Variants in KAZN observed in about 807,000 individuals in gnomAD.
KAZN encodes kazrin.
A neutral mutation model predicts 87.4 loss-of-function variants in KAZN; 40 were observed. The ratio of observed to expected loss-of-function variants is 0.46; its 90% CI spans 0.36 to 0.60. KAZN has a LOEUF of 0.60. Ranked by LOEUF, KAZN falls within the 20% of genes least tolerant of loss-of-function variation. The probability of loss-of-function intolerance (pLI) is 0.00; values close to 1 mark genes in which losing one functional copy is unlikely to be tolerated. For missense variants in KAZN, 898 were observed against 1,073.9 expected (o/e 0.84, Z 2.29); for synonymous variants, 466 against 458.3 (o/e 1.02, Z -0.22).
intron 1 of KAZN, among the ~76,000 whole-genome samples, chr1:13,931,168 G>A (rs546330719): frequency 7.2e-5 from 11 of 152,192 alleles, no homozygotes; most frequent in Non-Finnish European, 1.3e-4. Flanking sequence ...ATTCAATTTT[G>A]CCAATTAATG....
At chr1:14,098,991 G>T (rs1284371654) in intron 1 of KAZN, among the ~76,000 whole-genome samples, 1 of 152,130 alleles carries the variant, frequency 6.6e-6, no homozygotes, top group Non-Finnish European at 1.5e-5. Flanking sequence ...CTTAGGTCAG[G>T]GTTTAGGGTT....
At chr1:14,389,076 A>T (rs1049209823) in intron 2 of KAZN, among the ~76,000 whole-genome samples, 5 of 152,308 alleles carry the variant, frequency 3.3e-5, no homozygotes, top group African/African-American at 1.2e-4. Flanking sequence ...AAGACATACA[A>T]ATGGCAAGTA....
intron 2 of KAZN, among the ~76,000 whole-genome samples, chr1:14,278,321 T>C (rs574394087): frequency 1.1e-3 from 167 of 149,840 alleles, no homozygotes; most frequent in African/African-American, 4.0e-3. Context: ...GATGGAGTCT[T>C]GCTCTGTCGC....
chr1:15,036,621 G>A (rs528764192), intron 3 of KAZN, among the ~76,000 whole-genome samples: 135 of 152,180 alleles, frequency 8.9e-4, no homozygotes, highest in African/African-American at 3.0e-3. Context: ...CCTGGGGTCC[G>A]CTCCTTAGGG....
intron 1 of KAZN, among the ~76,000 whole-genome samples, chr1:14,664,945 G>A (rs113613115): frequency 0.016 from 2,387 of 152,248 alleles, 68 homozygotes; most frequent in African/African-American, 0.055. Context: ...ATGAGCCACC[G>A]CACCCGGCTG....
intron 2 of KAZN, among the ~76,000 whole-genome samples, chr1:14,274,982 G>T (rs966781825): frequency 6.6e-6 from 1 of 151,564 alleles, no homozygotes; most frequent in Non-Finnish European, 1.5e-5. Context: ...GACCATTTTT[G>T]GTTTGGTTTT....
intron 1 of KAZN, among the ~76,000 whole-genome samples, chr1:13,969,677 G>A (rs764635817): frequency 6.6e-6 from 1 of 152,010 alleles, no homozygotes; most frequent in Non-Finnish European, 1.5e-5. Context: ...CCAACTCTTT[G>A]TGGCACTCAG....
chr1:13,955,607 C>T (rs913023414), intron 1 of KAZN, among the ~76,000 whole-genome samples: 20 of 152,098 alleles, frequency 1.3e-4, no homozygotes, highest in African/African-American at 4.8e-4. Flanking sequence ...AAGATGTTCT[C>T]CACCTCAGGA....
At chr1:14,501,499 G>A (rs559005250) in intron 2 of KAZN, among the ~76,000 whole-genome samples, 4 of 152,068 alleles carry the variant, frequency 2.6e-5, no homozygotes, top group Non-Finnish European at 5.9e-5. Flanking sequence ...ATACATTAGC[G>A]ATGTACTATC....
intron 2 of KAZN, among the ~76,000 whole-genome samples, chr1:14,362,082 A>G (rs1415339377): frequency 6.6e-6 from 1 of 152,160 alleles, no homozygotes; most frequent in Non-Finnish European, 1.5e-5. Flanking sequence ...TGACAATATT[A>G]CCATAAACTT....
intron 1 of KAZN, among the ~76,000 whole-genome samples, chr1:14,752,996 T>C (rs968936438): frequency 1.3e-5 from 2 of 152,184 alleles, no homozygotes; most frequent in Non-Finnish European, 2.9e-5. Flanking sequence ...CAATGCACTT[T>C]GTAGAAGATG....
chr1:14,365,359 C>T (rs1239250012), intron 2 of KAZN, among the ~76,000 whole-genome samples: 6 of 48,134 alleles, frequency 1.2e-4, no homozygotes, highest in South Asian at 1.4e-3. Context: ...CCACCCCCTC[C>T]CCCCGGGGTG....
chr1:13,942,376 T>C (rs897298723), intron 1 of KAZN, among the ~76,000 whole-genome samples: 1 of 137,838 alleles, frequency 7.3e-6, no homozygotes, highest in Non-Finnish European at 1.6e-5. Context: ...CCGTCTCTAC[T>C]AAAAATACAA....
At chr1:15,103,566 C>A (rs1035967303) in intron 12 of KAZN, 106 bp downstream of exon 12, 5 of 780,708 alleles carry the variant, frequency 6.4e-6, no homozygotes, top group Non-Finnish European at 8.8e-6. Flanking sequence ...ATATGCAGAT[C>A]TCATGCAAAT....
intron 2 of KAZN, among the ~76,000 whole-genome samples, chr1:14,966,066 G>A (rs1334802829): frequency 1.4e-5 from 2 of 141,438 alleles, no homozygotes; most frequent in African/African-American, 5.4e-5. Context: ...TGCAACCTCC[G>A]CCTCCTGGGT....
intron 2 of KAZN, among the ~76,000 whole-genome samples, chr1:14,466,282 A>G (rs1032720784): frequency 6.6e-6 from 1 of 152,098 alleles, no homozygotes; most frequent in Non-Finnish European, 1.5e-5. Context: ...ATGCAGTATC[A>G]CACAGGACAC....
At chr1:14,546,992 A>G (rs758950943) in intron 2 of KAZN, among the ~76,000 whole-genome samples, 2 of 152,198 alleles carry the variant, frequency 1.3e-5, no homozygotes, top group African/African-American at 2.4e-5. Flanking sequence ...GGGAACTCAC[A>G]TATATTTACT....
chr1:14,921,372 T>C (rs780331011), intron 1 of KAZN, among the ~76,000 whole-genome samples: 3 of 152,192 alleles, frequency 2.0e-5, no homozygotes, highest in Non-Finnish European at 4.4e-5. Context: ...ATGGGCTACA[T>C]AAAGACTTTT....
At chr1:14,424,779 G>A (rs1205703452) in intron 2 of KAZN, among the ~76,000 whole-genome samples, 1 of 152,182 alleles carries the variant, frequency 6.6e-6, no homozygotes, top group Non-Finnish European at 1.5e-5. Flanking sequence ...AACGCCTCAA[G>A]CCATTCCTAT....
Sources: allele counts gnomAD v4.1 joint callset (sites outside exome capture counted in the v4.1 genomes callset), GRCh38; gene constraint gnomAD v4.1.1; transcripts MANE v1.5; gene names NCBI Gene and HGNC (gene_info 2026-07-23, HGNC 2026-07-21).